Variants in PARD3 observed in about 807,000 individuals in gnomAD.
PARD3 encodes partitioning defective 3 homolog.
In PARD3, 75 loss-of-function variants were observed where a neutral mutation model predicts 155.4. The observed-to-expected ratio is 0.48, with a 90% CI of 0.40 to 0.58. The LOEUF (loss-of-function observed/expected upper bound fraction) is 0.58. PARD3 is among the 20% of genes least tolerant of loss of function. PARD3 has a pLI of 0.00. For synonymous variants in PARD3, 576 were observed against 610.5 expected (o/e 0.94, Z 0.83); for missense variants, 1,642 against 1,721.7 (o/e 0.95, Z 0.82).
At chr10:34,662,836 C>A (rs1198835031) in intron 2 of PARD3, among the ~76,000 whole-genome samples, 1 of 149,794 alleles carries the variant, frequency 6.7e-6, no homozygotes, top group Non-Finnish European at 1.5e-5. Context: ...AGTGCCACTG[C>A]ACTCCAGCCT....
chr10:34,637,680 C>T (rs994300240), intron 2 of PARD3, among the ~76,000 whole-genome samples: 1 of 152,152 alleles, frequency 6.6e-6, no homozygotes, highest in Non-Finnish European at 1.5e-5. Context: ...TGGGCACTGC[C>T]GGTACAGCAG....
intron 20 of PARD3, chr10:34,312,386 A>T: frequency 6.2e-7 from 1 of 1,612,648 alleles, no homozygotes; most frequent in South Asian, 1.1e-5. Flanking sequence ...GGCAAGGCTA[A>T]ATGAGAGACA....
At chr10:34,295,028 C>T (rs1425286578) in intron 20 of PARD3, among the ~76,000 whole-genome samples, 1 of 151,906 alleles carries the variant, frequency 6.6e-6, no homozygotes, top group Admixed American at 6.6e-5. Context: ...ATAGTGACAC[C>T]CCACCTCCAC....
At chr10:34,481,988 T>G (rs1022068813) in intron 3 of PARD3, among the ~76,000 whole-genome samples, 2 of 150,322 alleles carry the variant, frequency 1.3e-5, no homozygotes, top group African/African-American at 4.9e-5. Context: ...CCCCCCACCA[T>G]GCTCAGCTAC....
chr10:34,114,262 TA>T (rs1463690139), intron 24 of PARD3, among the ~76,000 whole-genome samples: 2 of 152,096 alleles, frequency 1.3e-5, no homozygotes, highest in Non-Finnish European at 2.9e-5. Context: ...ACCTCATCTC[TA>T]AAAGAGGAGA....
intron 22 of PARD3, among the ~76,000 whole-genome samples, chr10:34,237,858 A>G (rs1389584580): frequency 6.6e-6 from 1 of 152,110 alleles, no homozygotes; most frequent in East Asian, 1.9e-4. Context: ...TTGGCTTCAC[A>G]CTGGTAAATG....
At chr10:34,717,891 C>A (rs1018743455) in intron 1 of PARD3, among the ~76,000 whole-genome samples, 1 of 152,188 alleles carries the variant, frequency 6.6e-6, no homozygotes, top group Non-Finnish European at 1.5e-5. Context: ...TGGTGGCTCA[C>A]GCCTGTAATC....
intron 2 of PARD3, among the ~76,000 whole-genome samples, chr10:34,640,469 T>C (rs1208090024): frequency 6.6e-6 from 1 of 151,728 alleles, no homozygotes; most frequent in East Asian, 1.9e-4. Context: ...ATACAAAAAT[T>C]AGCTGGGCGT....
At chr10:34,387,607 G>A (rs1407320262) in intron 7 of PARD3, among the ~76,000 whole-genome samples, 2 of 152,044 alleles carry the variant, frequency 1.3e-5, no homozygotes, top group Admixed American at 6.6e-5. Context: ...TGTAGACTTG[G>A]GTTCTTACTA....
At chr10:34,248,975 A>G (rs1564517661) in intron 22 of PARD3, among the ~76,000 whole-genome samples, 1 of 152,198 alleles carries the variant, frequency 6.6e-6, no homozygotes, top group Non-Finnish European at 1.5e-5. Flanking sequence ...TTAACACATA[A>G]GAGTTCTTTT....
chr10:34,399,217 G>T, intron 7 of PARD3, 113 bp downstream of exon 7: 2 of 730,638 alleles, frequency 2.7e-6, no homozygotes, highest in South Asian at 3.2e-5. Context: ...GCCTCCAAAT[G>T]AGAATGTTTC....
rs186661515 is a variant in PARD3 at position 34,194,599 on chromosome 10, G to A, written c.3420-63016C>T. Among the ~76,000 whole-genome samples, 18 of 147,594 alleles carry A rather than the reference G, an allele frequency of 1.2e-4. No individual in the cohort carries two copies. The South Asian group carries it at 1.3e-3, about 11-fold the overall frequency. On this transcript the variant is annotated intron_variant, in intron 22 of 24. Transcript: ENST00000374788. The stretch of plus-strand genomic sequence containing the variant: ...TCAAGACATCACTATGAATACCCTG[G>A]AATATGCCAAAGCTTTTTTTTTTTT...
At chr10:34,181,946 G>A (rs1371376683) in intron 22 of PARD3, among the ~76,000 whole-genome samples, 1 of 152,162 alleles carries the variant, frequency 6.6e-6, no homozygotes, top group Non-Finnish European at 1.5e-5. Context: ...CATCCTCAGA[G>A]ACTGCCCCAG....
chr10:34,206,436 T>C (rs1951484075), intron 22 of PARD3, among the ~76,000 whole-genome samples: 1 of 152,208 alleles, frequency 6.6e-6, no homozygotes, highest in Non-Finnish European at 1.5e-5. Flanking sequence ...TACTAAGATT[T>C]GTCAGCTCCT....
chr10:34,341,411 G>A (rs888385742), intron 16 of PARD3, among the ~76,000 whole-genome samples: 1 of 152,138 alleles, frequency 6.6e-6, no homozygotes, highest in Non-Finnish European at 1.5e-5. Flanking sequence ...TTTTGTCATT[G>A]TTTTGGTTAT....
In PARD3 at chr10:34,500,859, AAGAG is replaced by A. The variant is rs553114568; in HGVS notation, c.403+16116_403+16119del. On this transcript the variant is annotated intron_variant, in intron 3 of 24. Transcript: ENST00000374788. ...CAGAAGGAAAGAGGAGAGCTTGAACAAGAGAGAGTACCAGTGAAAGAATGAAACT... is the reference window on the plus strand; with the variant it reads ...CAGAAGGAAAGAGGAGAGCTTGAACAAGAGTACCAGTGAAAGAATGAAACT... Among the ~76,000 whole-genome samples the A allele has an allele frequency of 6.6e-5, 10 of 152,328 alleles. No homozygotes were observed. The East Asian group carries it at 7.7e-4, about 12-fold the overall frequency.
At chr10:34,708,256 G>T (rs1440763244) in intron 1 of PARD3, among the ~76,000 whole-genome samples, 1 of 140,580 alleles carries the variant, frequency 7.1e-6, no homozygotes, top group Non-Finnish European at 1.6e-5. Context: ...CAATTGCACT[G>T]ATCTTTAAAG....
chr10:34,469,518 G>A (rs944549036), intron 4 of PARD3, among the ~76,000 whole-genome samples: 7 of 152,166 alleles, frequency 4.6e-5, no homozygotes, highest in African/African-American at 1.7e-4. Flanking sequence ...AAAGTATTAT[G>A]AAGACTAGAC....
intron 2 of PARD3, among the ~76,000 whole-genome samples, chr10:34,525,350 A>G (rs1315468967): frequency 6.6e-6 from 1 of 152,258 alleles, no homozygotes; most frequent in East Asian, 1.9e-4. Context: ...ATTAAAGACT[A>G]GCGAATGTTC....
Sources: allele counts gnomAD v4.1 joint callset (sites outside exome capture counted in the v4.1 genomes callset), GRCh38; gene constraint gnomAD v4.1.1; transcripts MANE v1.5; gene names NCBI Gene and HGNC (gene_info 2026-07-23, HGNC 2026-07-21).